ZNF75D: variants seen among roughly 807,000 people sequenced by gnomAD.
ZNF75D encodes the protein zinc finger protein 75.
In ZNF75D, 33 loss-of-function variants were observed where a neutral mutation model predicts 33.3. That is an observed-to-expected ratio of 0.99 (90% CI 0.75 to 1.32). ZNF75D has a LOEUF of 1.32. Among genes scored for constraint, ZNF75D ranks in the 40% most tolerant of loss-of-function variants. The pLI is 0.00. For missense variants in ZNF75D, 338 were observed against 367.5 expected, an observed-to-expected ratio of 0.92 and a Z score of 0.66; for synonymous variants, 113 against 130.6, an observed-to-expected ratio of 0.87 and a Z score of 0.92.
rs782787014 is a variant in ZNF75D, at chrX:135,287,932, T to C, written c.824-86A>G. On this transcript the variant is annotated intron_variant, in intron 6 of 6. Transcript: ENST00000370766. ...GGAGAGAAAAGTCAATGATGATTGC[T>C]TTAAAAGAAATACAGGAACAAGTGA... The C allele has an allele frequency of 7.9e-6, 6 of 755,364 alleles. No individual in the cohort carries two copies. The African/African-American group carries it at 1.1e-4, about 13-fold the overall frequency. 62.3% of individuals were successfully genotyped at this position (755,364 alleles called of 1,213,427 possible).
intron 1 of ZNF75D, among the ~76,000 whole-genome samples, chrX:135,277,056 G>A (rs1304638891): frequency 8.9e-6 from 1 of 111,979 alleles, no homozygotes; most frequent in African/African-American, 3.3e-5. Flanking sequence ...AGATCCTTGA[G>A]GAATCACCAC....
chrX:135,293,910 C>G lies in ZNF75D; in HGVS notation c.231G>C (p.Trp77Cys). 8.3e-7 allele frequency: 1 copy of G among 1,211,092 alleles called. No homozygotes were observed. The highest frequency in any genetic ancestry group is 1.1e-6 in the Non-Finnish European group (1 of 894,903). Residue 77 changes from tryptophan (W) to cysteine (C), a missense_variant, in exon 3 of 7, where the codon TGG becomes TGC. Coordinates refer to ENST00000370766, the MANE Select transcript of ZNF75D (RefSeq NM_007131.5). ...CTTTTGAGTGGATCTCTGGCCTCAG[C>G]CACTGATGGCACAATTTCTGAAGTT... ...ISQLQKLCHQ[W>C]LRPEIHSKEQ... is the part of the protein sequence containing the mutation.
At chrX:135,338,416 C>G (rs188028468) in intron 1 of ZNF75D, among the ~76,000 whole-genome samples, 37 of 112,337 alleles carry the variant, frequency 3.3e-4, no homozygotes, top group East Asian at 1.1e-3. Context: ...TATTTCTTTT[C>G]TTTAACTCAG....
intron 1 of ZNF75D, among the ~76,000 whole-genome samples, chrX:135,261,615 C>T (rs782356641): frequency 1.8e-5 from 2 of 111,504 alleles, no homozygotes. Context: ...AGTAGGGTTG[C>T]AACCCCTGCT....
chrX:135,280,627 G>A (rs950305890), intron 1 of ZNF75D, among the ~76,000 whole-genome samples: 3 of 111,834 alleles, frequency 2.7e-5, no homozygotes, highest in East Asian at 5.6e-4. Context: ...GGCTGGTACC[G>A]GTTTTTCCTT....
chrX:135,323,654 G>C (rs2084525262), intron 1 of ZNF75D, among the ~76,000 whole-genome samples: 1 of 111,779 alleles, frequency 8.9e-6, no homozygotes, highest in Non-Finnish European at 1.9e-5. Flanking sequence ...GCTTATTCTG[G>C]AATTCAATGT....
chrX:135,269,312 C>A (rs2083873959), intron 1 of ZNF75D, among the ~76,000 whole-genome samples: 2 of 111,838 alleles, frequency 1.8e-5, no homozygotes, highest in Admixed American at 9.5e-5. Context: ...AGGGAAGAGA[C>A]AACTCACAGA....
At chrX:135,275,485 GT>G (rs1326987017) in intron 1 of ZNF75D, among the ~76,000 whole-genome samples, 1 of 111,036 alleles carries the variant, frequency 9.0e-6, no homozygotes, top group Non-Finnish European at 1.9e-5. Context: ...TCATTGTGTG[GT>G]TTTTTTGGGT....
At chrX:135,263,647 T>C (rs1283355398) in intron 1 of ZNF75D, among the ~76,000 whole-genome samples, 1 of 113,062 alleles carries the variant, frequency 8.8e-6, no homozygotes, top group Non-Finnish European at 1.9e-5. Flanking sequence ...AATCACCTTG[T>C]CTGCCAGTTG....
rs1486956195 is a variant in ZNF75D at position 135,314,037 on chromosome X, G to A, written c.-390-17998C>T. 3.6e-5 allele frequency among the ~76,000 whole-genome samples: 4 copies of A among 111,742 alleles called. No individual in the cohort carries two copies. The East Asian group carries it at 1.1e-3, about 31-fold the overall frequency. On this transcript the variant is annotated intron_variant, in intron 1 of 6. Coordinates refer to ENST00000370766, the MANE Select transcript of ZNF75D (RefSeq NM_007131.5). Reference sequence around the variant, plus strand: ...ACTTCCAGTGCTGTGTTGAATACGAGTCATGAAAATGGGCATCCTTAACTT... The same window carrying A: ...ACTTCCAGTGCTGTGTTGAATACGAATCATGAAAATGGGCATCCTTAACTT...
At chrX:135,257,242 G>C (rs1192654847) in intron 1 of ZNF75D, among the ~76,000 whole-genome samples, 1 of 112,251 alleles carries the variant, frequency 8.9e-6, no homozygotes, top group Non-Finnish European at 1.9e-5. Flanking sequence ...CCAGGCCTCA[G>C]CTCTTAGCAT....
At chrX:135,258,564 C>A (rs2083821264) in intron 1 of ZNF75D, among the ~76,000 whole-genome samples, 1 of 111,846 alleles carries the variant, frequency 8.9e-6, no homozygotes, top group Non-Finnish European at 1.9e-5. Context: ...AGCTTTTTTT[C>A]ATGTCCCTGT....
chrX:135,305,024 C>G (rs1308838025), intron 1 of ZNF75D, among the ~76,000 whole-genome samples: 1 of 112,169 alleles, frequency 8.9e-6, no homozygotes, highest in East Asian at 2.8e-4. Flanking sequence ...TGGGGGAAGT[C>G]CTTTAAGAAG....
rs1556421221 is a variant in ZNF75D at position 135,291,472 on chromosome X, C to T, written c.696G>A (p.Leu232=). The T allele has an allele frequency of 1.7e-6, 2 of 1,211,626 alleles. No individual in the cohort carries two copies. The highest frequency in any genetic ancestry group is 4.3e-5 in the Admixed American group (2 of 46,059). Residue 232 remains leucine (L), a splice_region_variant and synonymous_variant, in exon 5 of 7, where the codon CTG becomes CTA. Transcript: ENST00000370766. Reference sequence around the variant, plus strand: ...AAAAAAGCCAGAAATAACAGCTCACCAGGGACTCAGGCAGGATGAGTTTAG... The same window carrying T: ...AAAAAAGCCAGAAATAACAGCTCACTAGGGACTCAGGCAGGATGAGTTTAG... ...MASKLILPES[L]SLLTFEDVAV... is the part of the protein sequence containing the mutation.
chrX:135,271,557 C>T (rs981474469), intron 1 of ZNF75D, among the ~76,000 whole-genome samples: 3 of 111,968 alleles, frequency 2.7e-5, no homozygotes, highest in Non-Finnish European at 5.6e-5. Flanking sequence ...TCTTGCAAAG[C>T]CAGTGACTCT....
chrX:135,274,703 T>C (rs1239193959), intron 1 of ZNF75D, among the ~76,000 whole-genome samples: 1 of 112,273 alleles, frequency 8.9e-6, no homozygotes, highest in Non-Finnish European at 1.9e-5. Context: ...AGTGAAAGAA[T>C]TGTGTACAGT....
chrX:135,333,900 G>A (rs781889695), intron 1 of ZNF75D, among the ~76,000 whole-genome samples: 1 of 111,664 alleles, frequency 9.0e-6, no homozygotes, highest in Non-Finnish European at 1.9e-5. Flanking sequence ...GTACTAGGAG[G>A]TACCCCAGTG....
rs782368966 is a variant in ZNF75D at position 135,276,012 on chromosome X, G to A, written n.828-20235C>T. ...GCATACAGTCAAGCAGGGTCACTAGGGCTGCTCAGGGAGAGGGAACCCAAA... is the reference window on the plus strand; with the variant it reads ...GCATACAGTCAAGCAGGGTCACTAGAGCTGCTCAGGGAGAGGGAACCCAAA... On this transcript the variant is annotated intron_variant and non_coding_transcript_variant, in intron 1 of 3. Transcript: ENST00000494295. Among the ~76,000 whole-genome samples, 7 of 111,078 alleles carry A rather than the reference G, an allele frequency of 6.3e-5. No individual in the cohort carries two copies. In the East Asian group the frequency reaches 1.7e-3, roughly 27 times the overall value.
intron 1 of ZNF75D, among the ~76,000 whole-genome samples, chrX:135,256,560 A>G (rs949849567): frequency 4.5e-5 from 5 of 111,816 alleles, no homozygotes; most frequent in South Asian, 7.6e-4. Flanking sequence ...AAGGCAGTCT[A>G]GGACACAACG....
Sources: gnomAD v4.1 joint callset for allele counts (sites outside exome capture counted in the v4.1 genomes callset) on GRCh38, gnomAD v4.1.1 for gene constraint, MANE v1.5 for transcripts, NCBI Gene and HGNC (gene_info 2026-07-23, HGNC 2026-07-21) for gene names.